The following CNTN6 variants were observed in gnomAD, a reference collection of about 807,000 sequenced individuals.
The protein encoded by CNTN6 is contactin 6, also known as contactin-6.
Under a neutral mutation model 122.8 loss-of-function variants are expected in CNTN6, and 137 were observed. The ratio of observed to expected loss-of-function variants is 1.12; its 90% CI spans 0.97 to 1.29. The LOEUF is 1.29. Ranked by LOEUF, CNTN6 falls within the 50% of genes most tolerant of loss-of-function variation. The pLI is 0.00. For synonymous variants in CNTN6, 570 were observed against 426.0 expected (o/e 1.34, Z -4.16); for missense variants, 1,634 against 1,223.4 (o/e 1.34, Z -5.01).
chr3:1,297,467 C>G (rs1696447357), intron 6 of CNTN6, among the ~76,000 whole-genome samples: 1 of 152,026 alleles, frequency 6.6e-6, no homozygotes, highest in African/African-American at 2.4e-5. Context: ...ATACAGCAAA[C>G]TTAGCGGCAA....
At chr3:1,220,835 C>T in intron 3 of CNTN6, 22 bp downstream of exon 3, 1 of 1,579,730 alleles carries the variant, frequency 6.3e-7, no homozygotes, top group Non-Finnish European at 8.6e-7. Context: ...CCTGTGGGCA[C>T]CACACTATTT....
intron 7 of CNTN6, among the ~76,000 whole-genome samples, chr3:1,315,303 C>T (rs1404358258): frequency 6.6e-6 from 1 of 151,972 alleles, no homozygotes; most frequent in Non-Finnish European, 1.5e-5. Context: ...ACAAACTACA[C>T]AGAGTCTAAA....
At chr3:1,285,295 T>G (rs1694142865) in intron 5 of CNTN6, among the ~76,000 whole-genome samples, 1 of 152,188 alleles carries the variant, frequency 6.6e-6, no homozygotes, top group African/African-American at 2.4e-5. Flanking sequence ...ACCGAGCAAC[T>G]GGAAAATGGA....
chr3:1,402,241 T>TA, intron 21 of CNTN6, 77 bp from the exon 22 acceptor site: 1 of 1,143,508 alleles, frequency 8.7e-7, no homozygotes, highest in Non-Finnish European at 1.3e-6. Context: ...TCTTATGTCT[T>TA]ACAGTGTTCC....
chr3:1,232,817 G>C (rs1046164102), intron 4 of CNTN6, among the ~76,000 whole-genome samples: 1 of 152,204 alleles, frequency 6.6e-6, no homozygotes, highest in African/African-American at 2.4e-5. Context: ...AAAGGCAAGG[G>C]AAGCCTTTCA....
chr3:1,332,424 G>A (rs572368154), intron 11 of CNTN6, among the ~76,000 whole-genome samples: 4 of 151,530 alleles, frequency 2.6e-5, no homozygotes, highest in South Asian at 2.1e-4. Flanking sequence ...TAGTCTTATC[G>A]TGGGACTTCC....
intron 7 of CNTN6, among the ~76,000 whole-genome samples, chr3:1,316,958 A>C (rs976815657): frequency 6.6e-6 from 1 of 151,892 alleles, no homozygotes; most frequent in South Asian, 2.1e-4. Flanking sequence ...TAAAATGCAT[A>C]CATATTTTTA....
chr3:1,101,740 T>G (rs9878022), intron 1 of CNTN6, among the ~76,000 whole-genome samples: 38,135 of 152,220 alleles, frequency 0.25, 10,027 homozygotes, highest in African/African-American at 0.67. Flanking sequence ...AAAGTGCTTG[T>G]TTTAGTCCAA....
In CNTN6 at chr3:1,098,792, A is replaced by ATATATATG. The variant is rs1202595109; in HGVS notation, c.-83+5679_-83+5680insGTATATAT. 5.9e-5 allele frequency among the ~76,000 whole-genome samples: 5 copies of ATATATATG among 85,266 alleles called. No individual in the cohort carries two copies. The East Asian group carries it at 9.4e-4, about 16-fold the overall frequency. The allele number at this position is 85,266 out of a possible 152,430, so 55.9% of individuals were successfully genotyped here. On this transcript the variant is annotated intron_variant, in intron 1 of 22. Coordinates refer to ENST00000446702, the MANE Select transcript of CNTN6 (RefSeq NM_001289080.2). Reference sequence around the variant, plus strand: ...CACACACACACACACACACACACATATATATATATATATATATATATATAT... The same window carrying ATATATATG: ...CACACACACACACACACACACACATATATATATGTATATATATATATATATATATATAT...
intron 5 of CNTN6, among the ~76,000 whole-genome samples, chr3:1,294,744 T>C (rs1231393653): frequency 6.6e-6 from 1 of 152,214 alleles, no homozygotes; most frequent in Admixed American, 6.5e-5. Context: ...GGTTTCAAAA[T>C]GGAATTCCTT....
intron 7 of CNTN6, among the ~76,000 whole-genome samples, chr3:1,319,434 C>A (rs891527171): frequency 2.0e-5 from 3 of 151,476 alleles, no homozygotes; most frequent in African/African-American, 2.4e-5. Flanking sequence ...TGTGAGTCTG[C>A]ATAATATATG....
intron 1 of CNTN6, among the ~76,000 whole-genome samples, chr3:1,108,294 T>C (rs2091320366): frequency 6.6e-6 from 1 of 152,100 alleles, no homozygotes; most frequent in Non-Finnish European, 1.5e-5. Context: ...TATTCGCATA[T>C]ATATAATGAG....
At position 1,268,914 on chromosome 3, in the gene CNTN6, G is replaced by A. The variant is rs981989110; in HGVS notation, c.359-9499G>A. ...GAGGATTGCATGAGCCCAGAGATTTGAGGTTACAGTGAGCTATGATCAAGC... is the reference window on the plus strand; with the variant it reads ...GAGGATTGCATGAGCCCAGAGATTTAAGGTTACAGTGAGCTATGATCAAGC... On this transcript the variant is annotated intron_variant, in intron 4 of 22. Coordinates refer to ENST00000446702, the MANE Select transcript of CNTN6 (RefSeq NM_001289080.2). Among the ~76,000 whole-genome samples, 5 of 152,174 alleles carry A rather than the reference G, an allele frequency of 3.3e-5. No individual in the cohort carries two copies. In the South Asian group the frequency reaches 1.0e-3, roughly 32 times the overall value.
intron 2 of CNTN6, among the ~76,000 whole-genome samples, chr3:1,151,527 C>G (rs2092842467): frequency 6.6e-6 from 1 of 152,122 alleles, no homozygotes. Flanking sequence ...TACTGATTCT[C>G]CATCCCCTAA....
At chr3:1,401,148 T>C (rs1002546109) in intron 20 of CNTN6, 1 of 318,076 alleles carries the variant, frequency 3.1e-6, no homozygotes, top group African/African-American at 2.3e-5. Flanking sequence ...TGTTTATATA[T>C]GATAAAGTAA....
chr3:1,150,407 C>A (rs963752496), intron 2 of CNTN6, among the ~76,000 whole-genome samples: 1 of 152,094 alleles, frequency 6.6e-6, no homozygotes, highest in African/African-American at 2.4e-5. Flanking sequence ...TCCCTAGACT[C>A]TAAATTAAAA....
intron 1 of CNTN6, among the ~76,000 whole-genome samples, chr3:1,095,248 G>A (rs906407236): frequency 3.9e-5 from 6 of 151,988 alleles, no homozygotes; most frequent in African/African-American, 9.7e-5. Flanking sequence ...CGAGGCGGGC[G>A]GATCACGAGG....
intron 2 of CNTN6, among the ~76,000 whole-genome samples, chr3:1,158,854 A>G (rs1393429013): frequency 1.8e-5 from 1 of 55,392 alleles, no homozygotes; most frequent in African/African-American, 8.7e-5. Flanking sequence ...ATATACATAC[A>G]TATATATACA....
chr3:1,381,589 C>A (rs536105839), intron 17 of CNTN6, among the ~76,000 whole-genome samples: 1 of 152,168 alleles, frequency 6.6e-6, no homozygotes, highest in African/African-American at 2.4e-5. Flanking sequence ...CCATCAACAA[C>A]CCCTCTGCTG....
Sources: allele counts gnomAD v4.1 joint callset (sites outside exome capture counted in the v4.1 genomes callset), GRCh38; gene constraint gnomAD v4.1.1; transcripts MANE v1.5; gene names NCBI Gene and HGNC (gene_info 2026-07-23, HGNC 2026-07-21).